The following CADPS2 variants were observed in gnomAD, a reference collection of about 807,000 sequenced individuals.
The protein encoded by CADPS2 is calcium-dependent secretion activator 2.
In CADPS2, 93 loss-of-function variants were observed where a neutral mutation model predicts 172.5. The observed-to-expected ratio is 0.54, with a 90% CI of 0.46 to 0.64. The LOEUF is 0.64. Ranked by LOEUF, CADPS2 falls within the 30% of genes least tolerant of loss-of-function variation. The pLI, the probability that CADPS2 is intolerant of heterozygous loss-of-function variation, is 0.00. For synonymous variants in CADPS2, 546 were observed against 555.2 expected (o/e 0.98, Z 0.23); for missense variants, 1,420 against 1,565.9 (o/e 0.91, Z 1.57).
At chr7:122,882,652 C>G (rs1322230707) in intron 1 of CADPS2, among the ~76,000 whole-genome samples, 1 of 144,732 alleles carries the variant, frequency 6.9e-6, no homozygotes, top group African/African-American at 2.6e-5. Flanking sequence ...CCTCCGAGGT[C>G]TCAATGTTTT....
chr7:122,320,407 T>C (rs1258129415), intron 29 of CADPS2, 69 bp from the exon 30 acceptor site: 28 of 1,239,560 alleles, frequency 2.3e-5, no homozygotes, highest in Middle Eastern at 2.6e-4. Context: ...ATATACTCAG[T>C]TGGCATTTCA....
At chr7:122,587,621 T>C (rs1042072660) in intron 6 of CADPS2, among the ~76,000 whole-genome samples, 1 of 152,168 alleles carries the variant, frequency 6.6e-6, no homozygotes, top group Non-Finnish European at 1.5e-5. Flanking sequence ...ATTCCTTTGG[T>C]ATATACCCAG....
chr7:122,767,296 A>T (rs2093583612), intron 1 of CADPS2, among the ~76,000 whole-genome samples: 1 of 152,128 alleles, frequency 6.6e-6, no homozygotes, highest in South Asian at 2.1e-4. Context: ...GGTCGATGTT[A>T]TTATTCCTAT....
intron 1 of CADPS2, among the ~76,000 whole-genome samples, chr7:122,775,612 T>C (rs2093854447): frequency 6.6e-6 from 1 of 152,240 alleles, no homozygotes; most frequent in Non-Finnish European, 1.5e-5. Flanking sequence ...TACTTGTGGT[T>C]ACCTTTAATT....
At chr7:122,556,917 T>C (rs2065102011) in intron 7 of CADPS2, among the ~76,000 whole-genome samples, 1 of 152,146 alleles carries the variant, frequency 6.6e-6, no homozygotes, top group Admixed American at 6.6e-5. Flanking sequence ...GAGTATGCAA[T>C]GGTTTCCTGA....
intron 2 of CADPS2, among the ~76,000 whole-genome samples, chr7:122,683,952 C>T (rs565839294): frequency 1.1e-4 from 16 of 152,024 alleles, no homozygotes; most frequent in African/African-American, 3.9e-4. Flanking sequence ...AGATGGCATC[C>T]TCTACAAGGT....
At chr7:122,482,706 G>A (rs1481442733) in intron 11 of CADPS2, among the ~76,000 whole-genome samples, 1 of 152,116 alleles carries the variant, frequency 6.6e-6, no homozygotes. Context: ...CATGGCACAA[G>A]CAACAGGAAC....
chr7:122,694,123 AT>A (rs1414002130), intron 2 of CADPS2, among the ~76,000 whole-genome samples: 4 of 152,208 alleles, frequency 2.6e-5, no homozygotes, highest in African/African-American at 9.6e-5. Context: ...GGCAAATGAT[AT>A]TGTAGGAAAG....
intron 19 of CADPS2, among the ~76,000 whole-genome samples, chr7:122,408,923 C>T (rs1206557760): frequency 2.6e-5 from 4 of 151,976 alleles, no homozygotes; most frequent in Admixed American, 2.6e-4. Context: ...AATTAATTAG[C>T]AGATGGTAAA....
chr7:122,411,308 C>T (rs1415815436), intron 19 of CADPS2, among the ~76,000 whole-genome samples: 1 of 151,558 alleles, frequency 6.6e-6, no homozygotes, highest in Non-Finnish European at 1.5e-5. Context: ...GCAACCTCTG[C>T]CTCCCAGGTT....
intron 1 of CADPS2, among the ~76,000 whole-genome samples, chr7:122,782,438 T>A (rs961080010): frequency 3.9e-5 from 6 of 152,152 alleles, no homozygotes; most frequent in Non-Finnish European, 7.4e-5. Context: ...TGAAACCCCA[T>A]CTCTACAACA....
intron 1 of CADPS2, among the ~76,000 whole-genome samples, chr7:122,792,933 A>G (rs1393617180): frequency 6.6e-6 from 1 of 152,182 alleles, no homozygotes; most frequent in Non-Finnish European, 1.5e-5. Flanking sequence ...CCAACTACAT[A>G]TTTGTACAAA....
intron 3 of CADPS2, among the ~76,000 whole-genome samples, chr7:122,659,469 G>T (rs1195687223): frequency 6.6e-6 from 1 of 152,088 alleles, no homozygotes; most frequent in Non-Finnish European, 1.5e-5. Context: ...TGAACAAACA[G>T]AACGGACATC....
At chr7:122,760,188 A>G (rs955322782) in intron 1 of CADPS2, among the ~76,000 whole-genome samples, 1 of 152,094 alleles carries the variant, frequency 6.6e-6, no homozygotes, top group South Asian at 2.1e-4. Context: ...CCTGTAAAAC[A>G]TATTATTAAG....
chr7:122,666,330 C>A (rs540155809), intron 2 of CADPS2, among the ~76,000 whole-genome samples: 2 of 146,818 alleles, frequency 1.4e-5, no homozygotes, highest in Non-Finnish European at 3.0e-5. Context: ...CATTGCCCTA[C>A]CTGTGTCTGC....
chr7:122,705,964 A>ATT, intron 2 of CADPS2, among the ~76,000 whole-genome samples: 329 of 1,596 alleles, frequency 0.21, 100 homozygotes, highest in African/African-American at 0.26. Flanking sequence ...ATATATATAT[A>ATT]ATATAATATA....
intron 1 of CADPS2, among the ~76,000 whole-genome samples, chr7:122,872,708 A>G (rs1245748032): frequency 1.3e-5 from 2 of 152,132 alleles, no homozygotes; most frequent in Non-Finnish European, 2.9e-5. Context: ...TAAAATTTGG[A>G]ATGCATTTTC....
At chr7:122,430,389 G>A (rs998606262) in intron 17 of CADPS2, among the ~76,000 whole-genome samples, 2 of 152,162 alleles carry the variant, frequency 1.3e-5, no homozygotes, top group Admixed American at 1.3e-4. Context: ...ATGTATGACT[G>A]CGCTCTTGTC....
intron 3 of CADPS2, among the ~76,000 whole-genome samples, chr7:122,635,644 G>A (rs1431727616): frequency 1.3e-5 from 2 of 152,140 alleles, no homozygotes; most frequent in African/African-American, 4.8e-5. Context: ...ATTCCATGGT[G>A]TATATGTGCC....
Sources: allele counts gnomAD v4.1 joint callset (sites outside exome capture counted in the v4.1 genomes callset), GRCh38; gene constraint gnomAD v4.1.1; transcripts MANE v1.5; gene names NCBI Gene and HGNC (gene_info 2026-07-23, HGNC 2026-07-21).